SHTN1: variants seen among roughly 807,000 people sequenced by gnomAD.
SHTN1 encodes the protein shootin 1, also known as shootin-1.
A neutral mutation model predicts 83.1 loss-of-function variants in SHTN1; 42 were observed. The ratio of observed to expected loss-of-function variants is 0.51; its 90% CI spans 0.39 to 0.65. The LOEUF (loss-of-function observed/expected upper bound fraction) is 0.65, where lower values mean the gene tolerates loss of function less well. Among genes scored for constraint, SHTN1 ranks in the 30% least tolerant of loss-of-function variants. The pLI is 0.00. For missense variants in SHTN1, 622 were observed against 737.8 expected, an observed-to-expected ratio of 0.84 and a Z score of 1.82; for synonymous variants, 224 against 247.7, an observed-to-expected ratio of 0.90 and a Z score of 0.90.
At chr10:116,950,315 C>T (rs890132514) in intron 6 of SHTN1, among the ~76,000 whole-genome samples, 25 of 152,090 alleles carry the variant, frequency 1.6e-4, no homozygotes, top group African/African-American at 6.0e-4. Flanking sequence ...CAGGCACATG[C>T]CACCATGCCT....
chr10:116,959,769 G>C (rs1850114827), intron 4 of SHTN1, among the ~76,000 whole-genome samples: 1 of 152,090 alleles, frequency 6.6e-6, no homozygotes, highest in Admixed American at 6.6e-5. Context: ...GACATTCACT[G>C]CTCTTTTATG....
chr10:117,126,401 A>C (rs1854009478), exon 1 of SHTN1: 1 of 191,462 alleles, frequency 5.2e-6, no homozygotes, highest in Admixed American at 5.6e-5. Flanking sequence ...GGAGAGCTCC[A>C]GGAGTCCCTA....
chr10:116,909,736 T>C (rs530646755), intron 14 of SHTN1, among the ~76,000 whole-genome samples: 1 of 152,274 alleles, frequency 6.6e-6, no homozygotes, highest in South Asian at 2.1e-4. Context: ...ACCAGAGACT[T>C]GTTTTCTACC....
upstream of SHTN1, among the ~76,000 whole-genome samples, chr10:117,006,435 A>G (rs562298527): frequency 9.0e-4 from 137 of 151,836 alleles, no homozygotes; most frequent in Non-Finnish European, 1.4e-3. Flanking sequence ...GCGTGGTGGC[A>G]GGCGCCTGTA....
At chr10:117,056,146 G>T (rs1272601506) in intron 1 of SHTN1, among the ~76,000 whole-genome samples, 2 of 151,922 alleles carry the variant, frequency 1.3e-5, no homozygotes, top group Non-Finnish European at 2.9e-5. Context: ...AACATATAAA[G>T]AATTAACACA....
chr10:116,944,244 T>C (rs890615891), intron 8 of SHTN1, among the ~76,000 whole-genome samples: 1 of 152,312 alleles, frequency 6.6e-6, no homozygotes, highest in East Asian at 1.9e-4. Flanking sequence ...CCATCACAAG[T>C]CATGGGTTGT....
At chr10:117,085,797 C>T (rs1370041681) in intron 1 of SHTN1, among the ~76,000 whole-genome samples, 1 of 152,012 alleles carries the variant, frequency 6.6e-6, no homozygotes, top group Admixed American at 6.6e-5. Flanking sequence ...GATTGATGCT[C>T]TGTTGTCAAG....
chr10:116,998,699 T>C (rs964330959), intron 1 of SHTN1, among the ~76,000 whole-genome samples: 2 of 152,126 alleles, frequency 1.3e-5, no homozygotes, highest in African/African-American at 4.8e-5. Flanking sequence ...GTTGGTGCAT[T>C]TCCTTAGTTT....
At chr10:116,953,631 T>G (rs908815415) in intron 5 of SHTN1, among the ~76,000 whole-genome samples, 3 of 140,868 alleles carry the variant, frequency 2.1e-5, no homozygotes, top group Admixed American at 7.1e-5. Flanking sequence ...TTGTTTTTTT[T>G]TTTTTTTTTT....
intron 2 of SHTN1, among the ~76,000 whole-genome samples, chr10:117,014,406 G>A (rs1391408804): frequency 6.6e-6 from 1 of 152,162 alleles, no homozygotes; most frequent in East Asian, 1.9e-4. Context: ...AAGGGGAAGG[G>A]ATGGGGGAAA....
chr10:117,060,940 A>G (rs980183065), intron 1 of SHTN1, among the ~76,000 whole-genome samples: 2 of 152,190 alleles, frequency 1.3e-5, no homozygotes, highest in African/African-American at 4.8e-5. Flanking sequence ...TGATTCTGTT[A>G]AAGACCTTGG....
rs768992768 is a variant in SHTN1 at position 116,886,374 on chromosome 10, G to A, written c.1866C>T (p.Asn622=). Residue 622 remains asparagine (N), a synonymous_variant, in exon 17 of 17, where the codon AAC becomes AAT. Transcript: ENST00000355371. The part of the protein sequence containing the change: ...QPENKEDSIE[N]VRETDSSNC ...AGTTGGAGCTGTCTGTCTCTCTCAC[G>A]TTTTCAATGCTGTCTTCTTTGTTTT... is the stretch of plus-strand genomic sequence containing the variant. 7.1e-6 allele frequency: 11 copies of A among 1,558,074 alleles called. No individual in the cohort carries two copies. The highest frequency in any genetic ancestry group is 2.4e-5 in the South Asian group (2 of 85,084).
intron 16 of SHTN1, among the ~76,000 whole-genome samples, chr10:116,896,442 A>G (rs763624516): frequency 2.0e-4 from 31 of 152,166 alleles, no homozygotes; most frequent in Non-Finnish European, 3.1e-4. Context: ...CTAGGCCCCA[A>G]CCAGCTTCGG....
At chr10:117,007,567 A>C (rs924923307), upstream of SHTN1, among the ~76,000 whole-genome samples, 1 of 149,260 alleles carries the variant, frequency 6.7e-6, no homozygotes, top group Non-Finnish European at 1.5e-5. Flanking sequence ...AAAAAAAAAA[A>C]AAAAAAAAAA....
Position 116,968,957 on chromosome 10 carries a change from C to A in SHTN1, c.112-245G>T, listed in dbSNP as rs114461241. ...TATAAGTCACCTTCCTGCTCATTATCTCCTCAGTAATAGCCCGATTTAACA... is the reference window on the plus strand; with the variant it reads ...TATAAGTCACCTTCCTGCTCATTATATCCTCAGTAATAGCCCGATTTAACA... On this transcript the variant is annotated intron_variant, in intron 2 of 16. Coordinates refer to ENST00000355371, the MANE Select transcript of SHTN1 (RefSeq NM_001127211.3). Among the ~76,000 whole-genome samples the A allele has an allele frequency of 6.4e-3, 976 of 152,316 alleles. 6 individuals are homozygous for A. The highest frequency in any genetic ancestry group is 0.022 in the African/African-American group (916 of 41,550).
At chr10:116,942,504 T>C (rs1185019703) in intron 8 of SHTN1, among the ~76,000 whole-genome samples, 1 of 152,156 alleles carries the variant, frequency 6.6e-6, no homozygotes, top group Non-Finnish European at 1.5e-5. Context: ...TGAGCCACCA[T>C]GCCTGGTCAA....
intron 1 of SHTN1, among the ~76,000 whole-genome samples, chr10:117,095,672 G>GA (rs1199048882): frequency 6.6e-6 from 1 of 151,958 alleles, no homozygotes; most frequent in African/African-American, 2.4e-5. Context: ...TAGAATATCT[G>GA]AAAAAAAGTT....
chr10:117,099,529 G>A (rs1009424888), intron 1 of SHTN1, among the ~76,000 whole-genome samples: 3 of 152,114 alleles, frequency 2.0e-5, no homozygotes, highest in Non-Finnish European at 4.4e-5. Flanking sequence ...AGTTCACAAA[G>A]TTGTTAAATA....
chr10:117,065,831 A>T lies in SHTN1; in HGVS notation c.-188-17321T>A, dbSNP rs1006650314. The stretch of plus-strand genomic sequence containing the variant: ...AAGGAAGGAAGGAAGGAAGGAAGGA[A>T]GGAAGGAAGGAAGGAAGGAAGGAAA... On this transcript the variant is annotated intron_variant, in intron 1 of 17. Coordinates refer to the SHTN1 transcript ENST00000392901. Among the ~76,000 whole-genome samples, 90 of 86,278 alleles carry T rather than the reference A, an allele frequency of 1.0e-3. 2 individuals carry two copies. Among genetic ancestry groups the T allele is most frequent in the African/African-American group, 4.1e-3 (87 of 21,288 alleles). 56.6% of individuals were successfully genotyped at this position (86,278 alleles called of 152,430 possible).
Sources: allele counts gnomAD v4.1 joint callset (sites outside exome capture counted in the v4.1 genomes callset), GRCh38; gene constraint gnomAD v4.1.1; transcripts MANE v1.5; gene names NCBI Gene and HGNC (gene_info 2026-07-23, HGNC 2026-07-21).